LEKR1: variants seen among roughly 807,000 people sequenced by gnomAD.
LEKR1 encodes the protein protein LEKR1.
In LEKR1, 59 loss-of-function variants were observed where a neutral mutation model predicts 72.4. The observed-to-expected ratio is 0.82, with a 90% CI of 0.66 to 1.01. The LOEUF (loss-of-function observed/expected upper bound fraction) is 1.01, where lower values mean the gene tolerates loss of function less well. Ranked by LOEUF, LEKR1 falls within the 50% of genes least tolerant of loss-of-function variation. LEKR1 has a pLI of 0.00. For synonymous variants in LEKR1, 257 were observed against 263.2 expected (o/e 0.98, Z 0.23); for missense variants, 728 against 759.2 (o/e 0.96, Z 0.48).
At chr3:157,032,340 A>G (rs564987243) in intron 12 of LEKR1, among the ~76,000 whole-genome samples, 1 of 152,312 alleles carries the variant, frequency 6.6e-6, no homozygotes, top group East Asian at 1.9e-4. Context: ...TTGTTTGAAG[A>G]CCACACATAA....
At chr3:156,916,478 C>T (rs2108570894) in intron 3 of LEKR1, among the ~76,000 whole-genome samples, 1 of 152,000 alleles carries the variant, frequency 6.6e-6, no homozygotes, top group East Asian at 1.9e-4. Context: ...TTTTTACCTC[C>T]CTGGTTAACT....
chr3:156,998,195 A>G (rs1731732797), intron 9 of LEKR1, among the ~76,000 whole-genome samples: 1 of 152,092 alleles, frequency 6.6e-6, no homozygotes, highest in African/African-American at 2.4e-5. Context: ...TGAATGTGCA[A>G]CACTCCTTCA....
At chr3:156,901,217 C>T (rs1875622) in intron 3 of LEKR1, among the ~76,000 whole-genome samples, 76,201 of 150,106 alleles carry the variant, frequency 0.51, 20,821 homozygotes, top group East Asian at 0.72. Context: ...AACGTCATTC[C>T]TTTTTTTTTT....
intron 7 of LEKR1, among the ~76,000 whole-genome samples, chr3:156,982,349 C>T (rs1354701765): frequency 6.8e-6 from 1 of 148,096 alleles, no homozygotes; most frequent in Non-Finnish European, 1.5e-5. Flanking sequence ...CTAGAGGCCT[C>T]ATTTGGATAT....
intron 3 of LEKR1, among the ~76,000 whole-genome samples, chr3:156,899,731 TAC>T (rs1270605173): frequency 1.4e-5 from 2 of 144,520 alleles, no homozygotes; most frequent in Admixed American, 1.4e-4. Flanking sequence ...CATGCATATA[TAC>T]ACATATATAC....
intron 4 of LEKR1, among the ~76,000 whole-genome samples, chr3:156,923,319 T>G (rs906495904): frequency 6.6e-6 from 1 of 152,226 alleles, no homozygotes; most frequent in Non-Finnish European, 1.5e-5. Flanking sequence ...CAGACCCTCA[T>G]GCCATCTTCA....
intron 6 of LEKR1, among the ~76,000 whole-genome samples, chr3:156,943,474 C>G (rs2107969640): frequency 6.6e-6 from 1 of 152,040 alleles, no homozygotes; most frequent in Admixed American, 6.6e-5. Context: ...TATAATTATC[C>G]TATCTTACAG....
chr3:156,933,926 G>A (rs1185268801), intron 5 of LEKR1, among the ~76,000 whole-genome samples: 1 of 152,082 alleles, frequency 6.6e-6, no homozygotes, highest in East Asian at 1.9e-4. Flanking sequence ...GTGACCTGTG[G>A]CCATGACTGT....
rs181936201 is a variant in LEKR1 at position 156,995,285 on chromosome 3, C to T, written c.1109+2008C>T. ...CATTCACTTGGATGTATATGTTTTG[C>T]CATGTTTTTAAAAAAATTATTATGA... On this transcript the variant is annotated intron_variant, in intron 9 of 12. Transcript: ENST00000356539. 5.9e-5 allele frequency among the ~76,000 whole-genome samples: 9 copies of T among 152,112 alleles called. No homozygotes were observed. In the East Asian group the frequency reaches 1.7e-3, roughly 29 times the overall value.
chr3:156,834,152 C>T (rs533311903), intron 2 of LEKR1, among the ~76,000 whole-genome samples: 12 of 152,164 alleles, frequency 7.9e-5, no homozygotes, highest in African/African-American at 2.9e-4. Flanking sequence ...ACAGGGCAGA[C>T]CCCCATAACT....
intron 3 of LEKR1, among the ~76,000 whole-genome samples, chr3:156,878,318 G>A (rs1181920327): frequency 6.6e-6 from 1 of 152,026 alleles, no homozygotes; most frequent in Non-Finnish European, 1.5e-5. Flanking sequence ...GTTTTGGTAA[G>A]CTGTTTCATT....
intron 3 of LEKR1, among the ~76,000 whole-genome samples, chr3:156,878,207 T>C (rs1718853415): frequency 6.6e-6 from 1 of 152,168 alleles, no homozygotes; most frequent in Non-Finnish European, 1.5e-5. Context: ...CTCCTTGAGG[T>C]GTGACCTTAG....
At chr3:157,005,318 C>A (rs1022039536) in intron 9 of LEKR1, among the ~76,000 whole-genome samples, 25 of 152,054 alleles carry the variant, frequency 1.6e-4, no homozygotes, top group African/African-American at 6.0e-4. Flanking sequence ...AATTTAAAAT[C>A]TTCTCACAAA....
chr3:157,018,826 A>G (rs1733590654), intron 10 of LEKR1, among the ~76,000 whole-genome samples: 1 of 152,238 alleles, frequency 6.6e-6, no homozygotes, highest in Non-Finnish European at 1.5e-5. Context: ...GTTAATATAT[A>G]GAAAGTGTCC....
At chr3:157,002,938 C>A (rs2108016555) in intron 9 of LEKR1, among the ~76,000 whole-genome samples, 1 of 152,240 alleles carries the variant, frequency 6.6e-6, no homozygotes, top group South Asian at 2.1e-4. Flanking sequence ...CAGAGGAATG[C>A]ATTTGGAATG....
At chr3:156,965,439 A>T (rs901185674) in intron 6 of LEKR1, among the ~76,000 whole-genome samples, 2 of 152,150 alleles carry the variant, frequency 1.3e-5, no homozygotes, top group African/African-American at 4.8e-5. Flanking sequence ...TTCATTTATA[A>T]ATTTTAAATA....
intron 6 of LEKR1, among the ~76,000 whole-genome samples, chr3:156,955,736 A>C (rs1001604742): frequency 6.6e-6 from 1 of 152,022 alleles, no homozygotes; most frequent in African/African-American, 2.4e-5. Context: ...GTGCTGCTGG[A>C]TTCAGTTTGC....
intron 6 of LEKR1, among the ~76,000 whole-genome samples, chr3:156,966,683 G>A (rs566776830): frequency 3.1e-4 from 47 of 152,266 alleles, no homozygotes; most frequent in African/African-American, 8.2e-4. Context: ...GCCTGCCTCC[G>A]TAGACTCCAC....
intron 2 of LEKR1, among the ~76,000 whole-genome samples, chr3:156,834,544 G>T (rs1712857087): frequency 6.6e-6 from 1 of 152,036 alleles, no homozygotes; most frequent in South Asian, 2.1e-4. Flanking sequence ...ATGTTAATAT[G>T]TTAACTCTTA....
Sources: gnomAD v4.1 joint callset for allele counts (sites outside exome capture counted in the v4.1 genomes callset) on GRCh38, gnomAD v4.1.1 for gene constraint, MANE v1.5 for transcripts, NCBI Gene and HGNC (gene_info 2026-07-23, HGNC 2026-07-21) for gene names.